BBX: variants seen among roughly 807,000 people sequenced by gnomAD.
The protein encoded by BBX is BBX high mobility group box domain containing, also known as HMG box transcription factor BBX.
A neutral mutation model predicts 100.2 loss-of-function variants in BBX; 30 were observed. The observed-to-expected ratio is 0.30, with a 90% CI of 0.22 to 0.41. The LOEUF is 0.41. Among genes scored for constraint, BBX ranks in the 10% least tolerant of loss-of-function variants. The pLI is 1.00. For missense variants in BBX, 1,023 were observed against 1,129.8 expected (o/e 0.91, Z 1.35); for synonymous variants, 376 against 388.1 (o/e 0.97, Z 0.37).
intron 2 of BBX, among the ~76,000 whole-genome samples, chr3:107,532,018 C>A (rs1378470213): frequency 6.6e-6 from 1 of 151,922 alleles, no homozygotes; most frequent in Non-Finnish European, 1.5e-5. Context: ...CATAGTGAGA[C>A]CTTGCCTGTA....
chr3:107,593,598 A>G (rs967402194), intron 2 of BBX, among the ~76,000 whole-genome samples: 7 of 152,172 alleles, frequency 4.6e-5, no homozygotes, highest in South Asian at 4.1e-4. Context: ...CTTCTATGGG[A>G]TCGTAGAGGG....
chr3:107,720,909 A>G (rs1302080122), intron 5 of BBX, among the ~76,000 whole-genome samples: 1 of 151,954 alleles, frequency 6.6e-6, no homozygotes. Context: ...CAAAGAAAAT[A>G]CTCTCTCATT....
At position 107,716,766 on chromosome 3, in the gene BBX, C is replaced by T. The variant is rs750437806; in HGVS notation, c.322C>T (p.Arg108Ter). The change falls in exon 5 of 18, where the codon CGA (arginine) becomes TGA (stop). Residue 108 changes from arginine (R) to a stop codon, truncating the protein, a stop_gained. Coordinates refer to ENST00000325805, the MANE Select transcript of BBX (RefSeq NM_001142568.3). LOFTEE classifies it high-confidence loss of function. ...VRQEHPRLDN[R>*]GATKILADWW... Reference sequence around the variant, plus strand: ...TCAGGAACACCCCAGGCTTGATAACCGAGGTGCTACCAAGATACTAGCTGA... The same window carrying T: ...TCAGGAACACCCCAGGCTTGATAACTGAGGTGCTACCAAGATACTAGCTGA... The T allele has an allele frequency of 3.1e-6, 5 of 1,613,704 alleles. No homozygotes were observed. The highest frequency in any genetic ancestry group is 1.1e-5 in the South Asian group (1 of 91,056).
intron 3 of BBX, chr3:107,659,737 A>G (rs937720591): frequency 1.6e-6 from 2 of 1,285,054 alleles, no homozygotes; most frequent in African/African-American, 3.0e-5. Context: ...ATCCTTTTAC[A>G]TTCATGTGCA....
chr3:107,601,644 T>C (rs1423689237), intron 2 of BBX, among the ~76,000 whole-genome samples: 1 of 152,188 alleles, frequency 6.6e-6, no homozygotes. Flanking sequence ...AGAAGAAAAG[T>C]TTGAAGCTAA....
At chr3:107,790,197 C>G (rs1209374595) in intron 14 of BBX, among the ~76,000 whole-genome samples, 1 of 152,098 alleles carries the variant, frequency 6.6e-6, no homozygotes, top group Non-Finnish European at 1.5e-5. Context: ...TTTTCTTTGA[C>G]TATTCTTGGT....
chr3:107,683,345 A>G (rs2059668096), intron 3 of BBX, among the ~76,000 whole-genome samples: 1 of 152,230 alleles, frequency 6.6e-6, no homozygotes. Context: ...TTAGAAATAG[A>G]TACTTCCTCA....
rs188717199 is a variant in BBX at position 107,670,554 on chromosome 3, C to T, written c.-10+24645C>T. On this transcript the variant is annotated intron_variant, in intron 3 of 17. Coordinates refer to ENST00000325805, the MANE Select transcript of BBX (RefSeq NM_001142568.3). ...ATAAATATGTATAGCTGTTATATGT[C>T]AATTAAAAAATAAAATAAAAATTTC... Among the ~76,000 whole-genome samples, 13 of 151,084 alleles carry T rather than the reference C, an allele frequency of 8.6e-5. No individual in the cohort carries two copies. In the East Asian group the frequency reaches 2.1e-3, roughly 25 times the overall value.
At chr3:107,758,614 C>T (rs143097306) in intron 10 of BBX, among the ~76,000 whole-genome samples, 2 of 152,076 alleles carry the variant, frequency 1.3e-5, no homozygotes, top group African/African-American at 4.8e-5. Context: ...TTCCTACTGT[C>T]GGGAAAAAGC....
At chr3:107,674,414 G>T (rs1381909709) in intron 3 of BBX, among the ~76,000 whole-genome samples, 2 of 152,048 alleles carry the variant, frequency 1.3e-5, no homozygotes, top group African/African-American at 4.8e-5. Flanking sequence ...CCTTTGTACT[G>T]ATTTTAAACT....
chr3:107,606,720 G>A (rs879837485), intron 2 of BBX, among the ~76,000 whole-genome samples: 6 of 151,960 alleles, frequency 3.9e-5, no homozygotes, highest in Non-Finnish European at 8.8e-5. Flanking sequence ...TTTGATACAG[G>A]CACACAATGT....
intron 2 of BBX, among the ~76,000 whole-genome samples, chr3:107,618,205 G>A (rs932096443): frequency 3.3e-5 from 5 of 151,818 alleles, no homozygotes; most frequent in African/African-American, 7.3e-5. Flanking sequence ...ACTCATCCTT[G>A]TATTCCTGAA....
chr3:107,778,424 A>G lies in BBX; in HGVS notation c.2108A>G (p.Tyr703Cys), dbSNP rs1252395934. The change falls in exon 13 of 18, where the codon TAT (tyrosine) becomes TGT (cysteine). Residue 703 changes from tyrosine (Y) to cysteine (C), a missense_variant. By Grantham distance (194) the Tyr-to-Cys change is radical. Transcript: ENST00000325805. Reference protein sequence around the residue: ...FEKKFNSLPQYSPVTFDRKCV... With the variant: ...FEKKFNSLPQCSPVTFDRKCV... Reference sequence around the variant, plus strand: ...AAAAAATTCAACAGCCTCCCTCAATATAGTCCTGTTACATTTGACCGGAAA... The same window carrying G: ...AAAAAATTCAACAGCCTCCCTCAATGTAGTCCTGTTACATTTGACCGGAAA... The G allele has an allele frequency of 3.1e-6, 5 of 1,613,320 alleles. No homozygotes were observed. Among genetic ancestry groups the G allele is most frequent in the African/African-American group, 2.7e-5 (2 of 74,864 alleles).
At chr3:107,719,703 G>C (rs2062384078) in intron 5 of BBX, among the ~76,000 whole-genome samples, 1 of 152,016 alleles carries the variant, frequency 6.6e-6, no homozygotes, top group African/African-American at 2.4e-5. Flanking sequence ...ATTCAGTAAT[G>C]TACATGATGT....
chr3:107,707,810 A>G (rs1302672264), intron 3 of BBX, among the ~76,000 whole-genome samples: 1 of 152,210 alleles, frequency 6.6e-6, no homozygotes, highest in Non-Finnish European at 1.5e-5. Context: ...TTGAAATTAC[A>G]TGTATATACA....
chr3:107,588,832 C>A (rs953369760), intron 2 of BBX, among the ~76,000 whole-genome samples: 1 of 152,048 alleles, frequency 6.6e-6, no homozygotes, highest in Non-Finnish European at 1.5e-5. Flanking sequence ...AGGAAAAAGA[C>A]TGGGAATAAA....
chr3:107,797,772 T>C (rs1316911578), intron 15 of BBX, among the ~76,000 whole-genome samples: 2 of 152,192 alleles, frequency 1.3e-5, no homozygotes, highest in East Asian at 1.9e-4. Flanking sequence ...TCTTCCTTGC[T>C]CTTGACAGAG....
chr3:107,615,976 A>G (rs1220685650), intron 2 of BBX, among the ~76,000 whole-genome samples: 3 of 129,202 alleles, frequency 2.3e-5, no homozygotes, highest in Non-Finnish European at 4.7e-5. Flanking sequence ...TGGAATGAGA[A>G]CCTAGGAGAA....
intron 3 of BBX, among the ~76,000 whole-genome samples, chr3:107,700,054 G>A (rs1477588759): frequency 6.6e-6 from 1 of 151,972 alleles, no homozygotes; most frequent in Non-Finnish European, 1.5e-5. Flanking sequence ...GCATTAGGCA[G>A]TACCATAGCC....
Sources: allele counts gnomAD v4.1 joint callset (sites outside exome capture counted in the v4.1 genomes callset), GRCh38; gene constraint gnomAD v4.1.1; transcripts MANE v1.5; gene names NCBI Gene and HGNC (gene_info 2026-07-23, HGNC 2026-07-21).